Variants in DCAF7 observed in about 807,000 individuals in gnomAD.
DCAF7 encodes DDB1 and CUL4 associated factor 7, also known as DDB1- and CUL4-associated factor 7.
DCAF7 carries 4 observed loss-of-function variants against 41.2 expected under a neutral mutation model. That is an observed-to-expected ratio of 0.10 (90% CI 0.05 to 0.22). DCAF7 has a LOEUF of 0.22. Among genes scored for constraint, DCAF7 ranks in the 10% least tolerant of loss-of-function variants. The pLI is 1.00. For synonymous variants in DCAF7, 143 were observed against 164.2 expected, an observed-to-expected ratio of 0.87 and a Z score of 0.99; for missense variants, 131 against 443.2, an observed-to-expected ratio of 0.30 and a Z score of 6.32.
At chr17:63,551,473 G>T (rs2033254177) in intron 1 of DCAF7, among the ~76,000 whole-genome samples, 1 of 152,082 alleles carries the variant, frequency 6.6e-6, no homozygotes, top group African/African-American at 2.4e-5. Context: ...TTATCTCTTG[G>T]CTTGTTTCGT....
In DCAF7 at chr17:63,559,457, A is replaced by ATT. The variant is rs34722097; in HGVS notation, c.138+8646_138+8647dup. On this transcript the variant is annotated intron_variant, in intron 1 of 6. Coordinates refer to ENST00000614556, the MANE Select transcript of DCAF7 (RefSeq NM_005828.5). ...TGTGTGTGTATATATATATATATAT[A>ATT]TTTTTAATAATTGGTATTGAAACCA... 4.2e-3 allele frequency among the ~76,000 whole-genome samples: 581 copies of ATT among 137,598 alleles called. 2 individuals carry two copies. The highest frequency in any genetic ancestry group is 0.018 in the East Asian group (90 of 4,996). 90.3% of individuals were successfully genotyped at this position (137,598 alleles called of 152,430 possible). A position where few individuals can be genotyped will look rare whatever the true frequency, so the allele number is the denominator to read the frequency against.
At chr17:63,572,838 C>T (rs1459185833) in intron 1 of DCAF7, among the ~76,000 whole-genome samples, 1 of 152,212 alleles carries the variant, frequency 6.6e-6, no homozygotes, top group Non-Finnish European at 1.5e-5. Flanking sequence ...TCTCAGCTCA[C>T]TGCAACCTCT....
rs748750368 is a variant in DCAF7, at chr17:63,550,628, C to G, written c.-50C>G. ...ATAGATCTCAGGCTCGGCTCCCCGC[C>G]CGCCGCAGCCCACTGTTGACCCGGC... On this transcript the variant is annotated 5_prime_UTR_variant, in exon 1 of 7. Coordinates refer to ENST00000614556, the MANE Select transcript of DCAF7 (RefSeq NM_005828.5). This position sits in a 1 kb window ranked among gnomAD's most constrained non-coding sequence, Gnocchi z 4.8. 11 of 1,598,756 alleles carry G rather than the reference C, an allele frequency of 6.9e-6. No individual in the cohort carries two copies. Among genetic ancestry groups the G allele is most frequent in the Non-Finnish European group, 9.4e-6 (11 of 1,170,870 alleles).
chr17:63,578,207 G>A (rs116791313), intron 1 of DCAF7, among the ~76,000 whole-genome samples: 2,564 of 151,998 alleles, frequency 0.017, 76 homozygotes, highest in African/African-American at 0.059. Context: ...TACAAAAAAT[G>A]AACAAAATTA....
intron 3 of DCAF7, 107 bp from the exon 4 acceptor site, chr17:63,579,718 C>T: frequency 1.0e-6 from 1 of 983,522 alleles, no homozygotes; most frequent in African/African-American, 1.6e-5. Context: ...TTTCTGTAGT[C>T]TTTATGGTAT....
intron 1 of DCAF7, among the ~76,000 whole-genome samples, chr17:63,563,763 T>C (rs1202475925): frequency 1.3e-5 from 2 of 152,006 alleles, no homozygotes; most frequent in African/African-American, 4.8e-5. Context: ...TGCAGTGAGC[T>C]GAGATCGTGC....
intron 3 of DCAF7, 67 bp downstream of exon 3, chr17:63,579,515 C>G (rs1172677404): frequency 8.7e-7 from 1 of 1,151,204 alleles, no homozygotes; most frequent in East Asian, 2.6e-5. Flanking sequence ...AGATGTCACA[C>G]TGGGCCATAC....
In DCAF7 at chr17:63,591,301, T is replaced by TA. The variant is rs1276011116; in HGVS notation, c.*2130dup. On this transcript the variant is annotated 3_prime_UTR_variant, in exon 7 of 7. Coordinates refer to ENST00000614556, the MANE Select transcript of DCAF7 (RefSeq NM_005828.5). Reference sequence around the variant, plus strand: ...TAAGATTCCTTTCCTGATCTGCACCTACGCCTGGTCTGTATGGTGGAATTT... The same window carrying TA: ...TAAGATTCCTTTCCTGATCTGCACCTAACGCCTGGTCTGTATGGTGGAATTT... 2.0e-5 allele frequency: 3 copies of TA among 152,134 alleles called. No individual in the cohort carries two copies. Among genetic ancestry groups the TA allele is most frequent in the Non-Finnish European group, 4.4e-5 (3 of 68,058 alleles). 9.4% of individuals were successfully genotyped at this position (152,134 alleles called of 1,614,324 possible).
intron 4 of DCAF7, among the ~76,000 whole-genome samples, chr17:63,582,263 T>TA (rs1453535026): frequency 6.6e-6 from 1 of 152,170 alleles, no homozygotes; most frequent in Non-Finnish European, 1.5e-5. Flanking sequence ...TTCGTGAGGT[T>TA]AAATAGCAAT....
chr17:63,553,268 T>G (rs1377957255), intron 1 of DCAF7, among the ~76,000 whole-genome samples: 1 of 152,112 alleles, frequency 6.6e-6, no homozygotes, highest in Non-Finnish European at 1.5e-5. Context: ...AACTGTGCTG[T>G]GGTGGGAAAA....
chr17:63,576,591 C>A (rs1348928896), intron 1 of DCAF7, among the ~76,000 whole-genome samples: 1 of 151,962 alleles, frequency 6.6e-6, no homozygotes, highest in Non-Finnish European at 1.5e-5. Context: ...TATTTGGGAC[C>A]TGGGATTAGG....
In DCAF7 at chr17:63,591,869, G is replaced by A. The variant is rs527921016; in HGVS notation, c.*2697G>A. ...GCTCCGCCAGGCTGTGGCCCAGCTG[G>A]TGATGGCCCTTTTGCTCCTGGCAGC... On this transcript the variant is annotated 3_prime_UTR_variant, in exon 7 of 7. Transcript: ENST00000614556. 2 of 152,384 alleles carry A rather than the reference G, an allele frequency of 1.3e-5. No homozygotes were observed. The highest frequency in any genetic ancestry group is 4.8e-5 in the African/African-American group (2 of 41,460). The allele number at this position is 152,384 out of a possible 1,614,324, so 9.4% of individuals were successfully genotyped here.
At position 63,578,565 on chromosome 17, in the gene DCAF7, T is replaced by C. The variant is rs757745829; in HGVS notation, c.234T>C (p.Pro78=). Residue 78 remains proline (P), a synonymous_variant, in exon 2 of 7, where the codon CCT becomes CCC. Coordinates refer to ENST00000614556, the MANE Select transcript of DCAF7 (RefSeq NM_005828.5). The part of the protein sequence containing the change: ...PYPTTKLMWI[P]DTKGVYPDLL... The stretch of plus-strand genomic sequence containing the variant: ...CCACCACAAAGCTCATGTGGATCCC[T>C]GACACAAAAGGCGTCTATCCAGACC... 9.3e-6 allele frequency: 15 copies of C among 1,613,934 alleles called. No homozygotes were observed. The highest frequency in any genetic ancestry group is 1.7e-6 in the Non-Finnish European group (2 of 1,179,908).
intron 1 of DCAF7, among the ~76,000 whole-genome samples, chr17:63,559,451 A>G (rs1288955657): frequency 1.4e-5 from 2 of 141,342 alleles, no homozygotes; most frequent in African/African-American, 5.3e-5. Flanking sequence ...ATATATATAT[A>G]TATATATTTT....
intron 5 of DCAF7, among the ~76,000 whole-genome samples, chr17:63,584,447 G>A (rs2033656258): frequency 1.3e-5 from 2 of 150,172 alleles, no homozygotes; most frequent in South Asian, 4.2e-4. Flanking sequence ...AAGCCTGGGA[G>A]ATAGAGCAAG....
At chr17:63,553,951 C>G (rs1339003362) in intron 1 of DCAF7, among the ~76,000 whole-genome samples, 1 of 152,200 alleles carries the variant, frequency 6.6e-6, no homozygotes, top group Non-Finnish European at 1.5e-5. Flanking sequence ...CACCTGTAAT[C>G]TTAGCACTTT....
chr17:63,570,165 T>C (rs1834509427), intron 1 of DCAF7, among the ~76,000 whole-genome samples: 1 of 152,010 alleles, frequency 6.6e-6, no homozygotes, highest in African/African-American at 2.4e-5. Context: ...ACAGAAATGA[T>C]AGGAAAGGCA....
intron 1 of DCAF7, among the ~76,000 whole-genome samples, chr17:63,562,821 TC>T (rs2033398430): frequency 7.6e-6 from 1 of 130,754 alleles, no homozygotes; most frequent in African/African-American, 3.5e-5. Context: ...GAAAATATTT[TC>T]TTTTTTTTTT....
At position 63,550,967 on chromosome 17, in the gene DCAF7, G is replaced by T. The variant is rs1045014314; in HGVS notation, c.138+152G>T. On this transcript the variant is annotated intron_variant, in intron 1 of 6. Coordinates refer to ENST00000614556, the MANE Select transcript of DCAF7 (RefSeq NM_005828.5). This position sits in a 1 kb window ranked among gnomAD's most constrained non-coding sequence, Gnocchi z 4.8. ...TGTCTGGCCCTGTGCTGAAGGTTTC[G>T]TACTCGTTGTCTGTCTCCTTTAATC... 6.6e-6 allele frequency among the ~76,000 whole-genome samples: 1 copy of T among 152,226 alleles called. No individual in the cohort carries two copies. Among genetic ancestry groups the T allele is most frequent in the African/African-American group, 2.4e-5 (1 of 41,458 alleles).
Sources: gnomAD v4.1 joint callset for allele counts (sites outside exome capture counted in the v4.1 genomes callset) on GRCh38, gnomAD v4.1.1 for gene constraint, Gnocchi (gnomAD v3.1) non-coding constraint, MANE v1.5 for transcripts, NCBI Gene and HGNC (gene_info 2026-07-23, HGNC 2026-07-21) for gene names.